DHX8: variants seen among roughly 807,000 people sequenced by gnomAD.
DHX8 encodes ATP-dependent RNA helicase DHX8.
A neutral mutation model predicts 140.7 loss-of-function variants in DHX8; 67 were observed. The ratio of observed to expected loss-of-function variants is 0.48; its 90% confidence interval spans 0.39 to 0.58. The LOEUF is 0.58. Ranked by LOEUF, DHX8 falls within the 20% of genes least tolerant of loss-of-function variation. The pLI, the probability that DHX8 is intolerant of heterozygous loss-of-function variation, is 0.00. For missense variants in DHX8, 887 were observed against 1,550.7 expected (o/e 0.57, Z 7.19); for synonymous variants, 533 against 553.2 (o/e 0.96, Z 0.51).
intron 8 of DHX8, 54 bp downstream of exon 8, chr17:43,493,940 C>G: frequency 6.3e-7 from 1 of 1,580,286 alleles, no homozygotes; most frequent in Non-Finnish European, 8.7e-7. Flanking sequence ...TAGCATGGTG[C>G]TTAGGGGTGT....
chr17:43,533,730 A>C, intron 2 of DHX8: 1 of 1,222,366 alleles, frequency 8.2e-7, no homozygotes, highest in South Asian at 1.5e-5. Flanking sequence ...TTGCTTCCTT[A>C]CAAGTGCTAG....
downstream of DHX8, chr17:43,527,799 C>G (rs1970662514): frequency 4.5e-6 from 1 of 220,570 alleles, no homozygotes; most frequent in Non-Finnish European, 9.1e-6. Flanking sequence ...TCTTTCTACC[C>G]CCAGGTCTGT....
At position 43,507,857 on chromosome 17, in the gene DHX8, T is replaced by C; in HGVS notation, c.2158T>C (p.Leu720=). 1 of 1,614,220 alleles carries C rather than the reference T, an allele frequency of 6.2e-7. No individual in the cohort carries two copies. The highest frequency in any genetic ancestry group is 1.3e-5 in the African/African-American group (1 of 75,068). ...GAAGCTGATTGTCACCTCAGCCACC[T>C]TGGATGCAGTGAAGTTTTCTCAATA... ...DMKLIVTSAT[L]DAVKFSQYFY... Residue 720 remains leucine, a synonymous_variant, in exon 15 of 23, where the codon TTG becomes CTG. Transcript: ENST00000262415.
At chr17:43,542,849 G>A (rs1282975054) in intron 3 of DHX8, among the ~76,000 whole-genome samples, 1 of 152,126 alleles carries the variant, frequency 6.6e-6, no homozygotes, top group Non-Finnish European at 1.5e-5. Context: ...ACCAAACTGA[G>A]AAAGGGAGGT....
chr17:43,521,016 G>T, intron 20 of DHX8, 137 bp downstream of exon 20: 1 of 909,658 alleles, frequency 1.1e-6, no homozygotes, highest in Non-Finnish European at 1.6e-6. Flanking sequence ...TGTTGCCCAG[G>T]CTGGAGTGCA....
In DHX8 at chr17:43,523,915, G is replaced by A; in HGVS notation, c.*68G>A. ...GGCTTGGACTTATCGATGACAGGCT[G>A]GTCCTGAGGATACAGCTGTCCCGTG... On this transcript the variant is annotated 3_prime_UTR_variant, in exon 23 of 23. Transcript: ENST00000262415. The A allele has an allele frequency of 6.3e-7, 1 of 1,593,570 alleles. No individual in the cohort carries two copies. Among genetic ancestry groups the A allele is most frequent in the Non-Finnish European group, 8.6e-7 (1 of 1,169,158 alleles).
At chr17:43,522,680 G>T (rs1381275275) in intron 22 of DHX8, among the ~76,000 whole-genome samples, 2 of 146,718 alleles carry the variant, frequency 1.4e-5, no homozygotes, top group South Asian at 2.2e-4. Context: ...CCCAGGAGGT[G>T]GAGGTTGCAG....
At chr17:43,507,768 G>A (rs1412130944) in intron 14 of DHX8, 41 bp from the exon 15 acceptor site, 1 of 1,612,860 alleles carries the variant, frequency 6.2e-7, no homozygotes, top group Admixed American at 1.7e-5. Flanking sequence ...CTGTGTCTTT[G>A]GGTAGTCCTT....
chr17:43,544,171 C>CGA lies in DHX8; in HGVS notation c.*31_*32dup, dbSNP rs563588619. On this transcript the variant is annotated 3_prime_UTR_variant, in exon 4 of 4. Coordinates refer to the DHX8 transcript ENST00000589898. Reference sequence around the variant, plus strand: ...TCCCTCCCACCTGCAGCCCCACCAGCGACACCCTCAGGCCCCACCAAAACG... The same window carrying CGA: ...TCCCTCCCACCTGCAGCCCCACCAGCGAGACACCCTCAGGCCCCACCAAAACG... 6.6e-5 allele frequency: 10 copies of CGA among 152,652 alleles called. No homozygotes were observed. The East Asian group carries it at 1.5e-3, about 24-fold the overall frequency. 9.5% of individuals were successfully genotyped at this position (152,652 alleles called of 1,614,324 possible). A position where few individuals can be genotyped will look rare whatever the true frequency, so the allele number is the denominator to read the frequency against.
At chr17:43,526,396 T>C (rs1297805554), downstream of DHX8, 4 of 1,517,358 alleles carry the variant, frequency 2.6e-6, no homozygotes, top group Middle Eastern at 2.3e-4. Flanking sequence ...GGACCGTCCC[T>C]ATGGGGCATG....
rs137965941 is a variant in DHX8, at chr17:43,494,345, A to G, written c.1212+459A>G. Among the ~76,000 whole-genome samples, 992 of 152,212 alleles carry G rather than the reference A, an allele frequency of 6.5e-3. 10 individuals carry two copies. Among genetic ancestry groups the G allele is most frequent in the Non-Finnish European group, 9.1e-3 (616 of 68,022 alleles). Reference sequence around the variant, plus strand: ...ATATCAGCCACTTATTAGCCGTGTAATCCTTAGCTAAGCTACTCTACCTCA... The same window carrying G: ...ATATCAGCCACTTATTAGCCGTGTAGTCCTTAGCTAAGCTACTCTACCTCA... On this transcript the variant is annotated intron_variant, in intron 8 of 22. Coordinates refer to ENST00000262415, the MANE Select transcript of DHX8 (RefSeq NM_004941.3).
At chr17:43,491,313 T>G in intron 4 of DHX8, 63 bp downstream of exon 4, 8 of 899,318 alleles carry the variant, frequency 8.9e-6, no homozygotes, top group Non-Finnish European at 1.3e-5. Context: ...TTTCTTTGTC[T>G]CATAGTAATT....
At chr17:43,495,618 A>G (rs1968810675) in intron 8 of DHX8, among the ~76,000 whole-genome samples, 1 of 152,190 alleles carries the variant, frequency 6.6e-6, no homozygotes, top group African/African-American at 2.4e-5. Context: ...CTGTGGAAAC[A>G]AGGGAAAGAG....
chr17:43,497,420 C>T (rs951194001), intron 9 of DHX8, among the ~76,000 whole-genome samples: 5 of 151,976 alleles, frequency 3.3e-5, no homozygotes, highest in African/African-American at 1.2e-4. Flanking sequence ...TCTCTTAGTG[C>T]TTATGTGCAA....
intron 2 of DHX8, 38 bp downstream of exon 2, chr17:43,489,572 T>C (rs752284210): frequency 1.5e-6 from 2 of 1,370,176 alleles, no homozygotes; most frequent in East Asian, 2.3e-5. Context: ...TAGATATTAA[T>C]GTTTTAATTT....
At chr17:43,534,952 A>G (rs1386096584) in intron 2 of DHX8, among the ~76,000 whole-genome samples, 1 of 152,180 alleles carries the variant, frequency 6.6e-6, no homozygotes, top group Non-Finnish European at 1.5e-5. Context: ...TAAATAAATA[A>G]ATAAAAGAAT....
chr17:43,492,766 G>T lies in DHX8; in HGVS notation c.589G>T (p.Asp197Tyr), dbSNP rs370595066. 5.6e-6 allele frequency: 9 copies of T among 1,613,992 alleles called. No individual in the cohort carries two copies. The African/African-American group carries it at 8.0e-5, about 14-fold the overall frequency. Reference sequence around the variant, plus strand: ...AGATAGGGAACGAAACCGAGATAGAGACCACAAGCGGAGACACCGATCCCG... The same window carrying T: ...AGATAGGGAACGAAACCGAGATAGATACCACAAGCGGAGACACCGATCCCG... ...DRDRERNRDR[D>Y]HKRRHRSRSR... is the part of the protein sequence containing the mutation. Residue 197 changes from aspartate to tyrosine, a missense_variant, in exon 6 of 23, where the codon GAC (aspartate) becomes TAC (tyrosine). This residue lies in a region of DHX8 where 304 missense variants were observed against 306.9 expected (regional missense o/e 0.99). Transcript: ENST00000262415.
Position 43,524,743 on chromosome 17 carries a change from C to A in DHX8, c.*896C>A. 1.0e-6 allele frequency: 1 copy of A among 985,198 alleles called. No individual in the cohort carries two copies. Among genetic ancestry groups the A allele is most frequent in the South Asian group, 4.7e-5 (1 of 21,288 alleles). 61.0% of individuals were successfully genotyped at this position (985,198 alleles called of 1,614,324 possible). A position where few individuals can be genotyped will look rare whatever the true frequency, so the allele number is the denominator to read the frequency against. On this transcript the variant is annotated 3_prime_UTR_variant, in exon 23 of 23. Coordinates refer to ENST00000262415, the MANE Select transcript of DHX8 (RefSeq NM_004941.3). ...TATTTTATTTTGTTTTTATTTTTTT[C>A]CCCTGAGGTCCTGGATGGACTTTAA... is the stretch of plus-strand genomic sequence containing the variant.
At chr17:43,512,979 A>G (rs551704717) in intron 16 of DHX8, among the ~76,000 whole-genome samples, 1 of 152,234 alleles carries the variant, frequency 6.6e-6, no homozygotes, top group South Asian at 2.1e-4. Flanking sequence ...GAAAAATCTC[A>G]TTTTGCATTG....
Sources: allele counts gnomAD v4.1 joint callset (sites outside exome capture counted in the v4.1 genomes callset), GRCh38; gene constraint gnomAD v4.1.1; regional missense constraint gnomAD v4.1.1; transcripts MANE v1.5; gene names NCBI Gene and HGNC (gene_info 2026-07-23, HGNC 2026-07-21).